Variants in GOLGA8M observed in about 807,000 individuals in gnomAD.
GOLGA8M encodes golgin subfamily A member 8M.
A neutral mutation model predicts 87.7 loss-of-function variants in GOLGA8M; 34 were observed. That is an observed-to-expected ratio of 0.39 (90% CI 0.29 to 0.52). GOLGA8M has a LOEUF of 0.52. GOLGA8M is among the 20% of genes least tolerant of loss of function. GOLGA8M has a pLI of 0.80. For synonymous variants in GOLGA8M, 138 were observed against 250.2 expected (o/e 0.55, Z 4.23); for missense variants, 396 against 682.2 (o/e 0.58, Z 4.67).
intron 14 of GOLGA8M, 125 bp from the exon 15 acceptor site, chr15:28,703,535 G>C: frequency 9.2e-6 from 5 of 542,348 alleles, no homozygotes; most frequent in Non-Finnish European, 1.5e-5. Flanking sequence ...ATGAGCTGTT[G>C]TTCTTTATTT....
Position 28,702,522 on chromosome 15 carries a change from T to A in GOLGA8M, c.1510A>T (p.Lys504Ter). The change falls in exon 17 of 19, where the codon AAA (lysine) becomes TAA (stop). Residue 504 changes from lysine to a stop codon, truncating the protein, a stop_gained. Coordinates refer to ENST00000563027, the MANE Select transcript of GOLGA8M (RefSeq NM_001282468.3). LOFTEE classifies it high-confidence loss of function. ...HLLSEPGGRA[K>*]DAALGGGHHQ... ...TGTCCTCCTCCCAGTGCCGCATCTT[T>A]GGCACGGCCCCCTGGTTCTGATAAA... 6.3e-7 allele frequency: 1 copy of A among 1,598,892 alleles called. No homozygotes were observed. The highest frequency in any genetic ancestry group is 8.5e-7 in the Non-Finnish European group (1 of 1,179,216).
At chr15:28,707,415 G>A (rs1194175391) in intron 8 of GOLGA8M, among the ~76,000 whole-genome samples, 9 of 144,038 alleles carry the variant, frequency 6.2e-5, no homozygotes, top group African/African-American at 1.8e-4. Context: ...CTACAGAAAT[G>A]GTAACATACT....
chr15:28,712,996 G>A (rs149034082), upstream of GOLGA8M, among the ~76,000 whole-genome samples: 746 of 149,162 alleles, frequency 5.0e-3, 12 homozygotes, highest in African/African-American at 0.018. Flanking sequence ...CTATGTTTTC[G>A]TTAAGATTTT....
chr15:28,702,166 G>A lies in GOLGA8M; in HGVS notation c.1724-37C>T, dbSNP rs747459800. 1.8e-5 allele frequency: 29 copies of A among 1,577,818 alleles called. 3 individuals are homozygous for A. The highest frequency in any genetic ancestry group is 2.4e-5 in the Non-Finnish European group (28 of 1,171,020). On this transcript the variant is annotated intron_variant, in intron 18 of 18. Transcript: ENST00000563027. Reference sequence around the variant, plus strand: ...GGGAGGCAGGGATCTGAGCACAGTGGGAGCCCCCTCTTCCTGCCTGCCCAC... The same window carrying A: ...GGGAGGCAGGGATCTGAGCACAGTGAGAGCCCCCTCTTCCTGCCTGCCCAC...
At chr15:28,705,055 C>A in intron 13 of GOLGA8M, 104 bp downstream of exon 13, 1 of 1,544,290 alleles carries the variant, frequency 6.5e-7, no homozygotes, top group Non-Finnish European at 8.7e-7. Flanking sequence ...GGTCACCAGC[C>A]CCCAGGCTGG....
intron 18 of GOLGA8M, 23 bp downstream of exon 18, chr15:28,702,191 C>A: frequency 6.3e-7 from 1 of 1,589,522 alleles, no homozygotes; most frequent in Non-Finnish European, 8.5e-7. Flanking sequence ...TGCCTGCCCA[C>A]ACCACCTGAG....
chr15:28,706,988 A>G lies in GOLGA8M; in HGVS notation c.592-289T>C, dbSNP rs373339320. 1.1e-3 allele frequency among the ~76,000 whole-genome samples: 152 copies of G among 137,346 alleles called. 6 individuals are homozygous for G. The East Asian group carries it at 0.013, about 11-fold the overall frequency. The allele number at this position is 137,346 out of a possible 152,430, so 90.1% of individuals were successfully genotyped here. ...GAACCTTTGTGGAATGCTTCACCAG[A>G]TACCATGCTAACAATCCCATTTAAT... On this transcript the variant is annotated intron_variant, in intron 8 of 18. Coordinates refer to ENST00000563027, the MANE Select transcript of GOLGA8M (RefSeq NM_001282468.3).
Position 28,711,503 on chromosome 15 carries a change from A to C in GOLGA8M, c.48+773T>G, listed in dbSNP as rs561010754. 1.0e-4 allele frequency: 102 copies of C among 984,204 alleles called. No homozygotes were observed. The African/African-American group carries it at 1.6e-3, about 16-fold the overall frequency. 61.0% of individuals were successfully genotyped at this position (984,204 alleles called of 1,614,324 possible). On this transcript the variant is annotated intron_variant, in intron 1 of 18. Transcript: ENST00000563027. ...GTCAATGTTTTGAGTTCATGGGGGAAGTGTAGGCTTTTCCCACCGTCAACA... is the reference window on the plus strand; with the variant it reads ...GTCAATGTTTTGAGTTCATGGGGGACGTGTAGGCTTTTCCCACCGTCAACA...
chr15:28,704,897 G>T (rs531227712), intron 13 of GOLGA8M: 2 of 854,164 alleles, frequency 2.3e-6, no homozygotes, highest in Non-Finnish European at 3.6e-6. Flanking sequence ...TAAGGAGCCT[G>T]TTATAGCACT....
rs1030020247 is a variant in GOLGA8M, at chr15:28,699,071, T to C, written c.*2883A>G. Among the ~76,000 whole-genome samples the C allele has an allele frequency of 6.7e-6, 1 of 150,354 alleles. No individual in the cohort carries two copies. The highest frequency in any genetic ancestry group is 1.5e-5 in the Non-Finnish European group (1 of 67,986). The stretch of plus-strand genomic sequence containing the variant: ...GTTACATATTTTAATAGTTATATTA[T>C]TTTAAAACAACTCTTTAAAGTTTTA... On this transcript the variant is annotated 3_prime_UTR_variant, in exon 19 of 19. Transcript: ENST00000563027.
chr15:28,712,459 C>A, upstream of GOLGA8M: 1 of 1,605,318 alleles, frequency 6.2e-7, no homozygotes, highest in East Asian at 2.2e-5. Context: ...CAGTAGAATG[C>A]GGAATAGGGG....
Position 28,704,991 on chromosome 15 carries a change from C to A in GOLGA8M, c.1200+168G>T, listed in dbSNP as rs1258714774. 4 of 1,088,746 alleles carry A rather than the reference C, an allele frequency of 3.7e-6. No homozygotes were observed. In the South Asian group the frequency reaches 4.0e-5, roughly 11 times the overall value. 67.4% of individuals were successfully genotyped at this position (1,088,746 alleles called of 1,614,324 possible). A position where few individuals can be genotyped will look rare whatever the true frequency, so the allele number is the denominator to read the frequency against. The stretch of plus-strand genomic sequence containing the variant: ...CTGAGAGGAGCCCAGGGCTACCCAC[C>A]TTTAAAAGTCAGAGGCAGGAAGCAA... On this transcript the variant is annotated intron_variant, in intron 13 of 18. Coordinates refer to ENST00000563027, the MANE Select transcript of GOLGA8M (RefSeq NM_001282468.3).
chr15:28,702,575 G>C lies in GOLGA8M; in HGVS notation c.1470-13C>G. On this transcript the variant is annotated splice_polypyrimidine_tract_variant and intron_variant, in intron 16 of 18. Coordinates refer to ENST00000563027, the MANE Select transcript of GOLGA8M (RefSeq NM_001282468.3). ...GTGATGGATTTTCCTGCGGGAGGAC[G>C]GGGCTCAGACGCTGGGGCCCCTCCG... 3.1e-6 allele frequency: 5 copies of C among 1,598,692 alleles called. No homozygotes were observed. In the South Asian group the frequency reaches 3.3e-5, roughly 11 times the overall value.
In GOLGA8M at chr15:28,700,992, G is replaced by A. The variant is rs1369131027; in HGVS notation, c.*962C>T. ...AGAATGCCAACCAGTGTCCTTTTGTGTACTGGGACATGTAGTCATGCGATT... is the reference window on the plus strand; with the variant it reads ...AGAATGCCAACCAGTGTCCTTTTGTATACTGGGACATGTAGTCATGCGATT... On this transcript the variant is annotated 3_prime_UTR_variant, in exon 19 of 19. Transcript: ENST00000563027. Among the ~76,000 whole-genome samples the A allele has an allele frequency of 6.6e-6, 1 of 152,132 alleles. No homozygotes were observed. Among genetic ancestry groups the A allele is most frequent in the Admixed American group, 6.6e-5 (1 of 15,264 alleles).
At chr15:28,706,846 G>T (rs2080047545) in intron 8 of GOLGA8M, 147 bp from the exon 9 acceptor site, 1 of 778,252 alleles carries the variant, frequency 1.3e-6, no homozygotes, top group Non-Finnish European at 2.1e-6. Context: ...GTTTTTAAAA[G>T]AACACAGTAA....
rs1399138282 is a variant in GOLGA8M at position 28,703,864 on chromosome 15, G to T, written c.1254C>A (p.Ser418Arg). Residue 418 changes from serine (S) to arginine (R), a missense_variant, in exon 14 of 19, where the codon AGC (serine) becomes AGA (arginine). By Grantham distance (110) the Ser-to-Arg change is moderately radical. Coordinates refer to ENST00000563027, the MANE Select transcript of GOLGA8M (RefSeq NM_001282468.3). Reference sequence around the variant, plus strand: ...TACCTTCCCCAGGGAGAGCCATGAGGCTCAGCTGGGCCGTTAGCTGCTGGT... The same window carrying T: ...TACCTTCCCCAGGGAGAGCCATGAGTCTCAGCTGGGCCGTTAGCTGCTGGT... The part of the protein sequence containing the change: ...QQNQQLTAQL[S>R]LMALPGEGHG... The T allele has an allele frequency of 4.4e-6, 7 of 1,578,762 alleles. 1 individual carries two copies. In the Admixed American group the frequency reaches 1.3e-4, roughly 29 times the overall value.
Position 28,701,416 on chromosome 15 carries a change from C to G in GOLGA8M, c.*538G>C, listed in dbSNP as rs1473765240. Among the ~76,000 whole-genome samples, 1 of 151,724 alleles carries G rather than the reference C, an allele frequency of 6.6e-6. No individual in the cohort carries two copies. The highest frequency in any genetic ancestry group is 1.5e-5 in the Non-Finnish European group (1 of 68,016). On this transcript the variant is annotated 3_prime_UTR_variant, in exon 19 of 19. Coordinates refer to ENST00000563027, the MANE Select transcript of GOLGA8M (RefSeq NM_001282468.3). ...TTTCCAGTTCTTGGCCTTTAAACAA[C>G]TCTAAATGTCAGTACTCATAGTGGC...
rs574563785 is a variant in GOLGA8M at position 28,703,877 on chromosome 15, G to A, written c.1241C>T (p.Thr414Met). 599 of 1,581,164 alleles carry A rather than the reference G, an allele frequency of 3.8e-4. 7 individuals are homozygous for A. Among genetic ancestry groups the A allele is most frequent in the Middle Eastern group, 6.3e-4 (3 of 4,784 alleles). Residue 414 changes from threonine (T) to methionine (M), a missense_variant, in exon 14 of 19, where the codon ACG becomes ATG. Around this residue, in one of 12 missense-constraint regions of GOLGA8M, gnomAD observed 44 missense variants for 46.7 expected, o/e 0.94. Transcript: ENST00000563027. ...GAGAGCCATGAGGCTCAGCTGGGCC[G>A]TTAGCTGCTGGTTCTGCTGGCTGGC... ...EAASQQNQQLTAQLSLMALPG... is the reference protein window; with the variant it reads ...EAASQQNQQLMAQLSLMALPG...
At position 28,701,779 on chromosome 15, in the gene GOLGA8M, C is replaced by G. The variant is rs1208378139; in HGVS notation, c.*175G>C. 2.0e-5 allele frequency among the ~76,000 whole-genome samples: 3 copies of G among 151,778 alleles called. No individual in the cohort carries two copies. Among genetic ancestry groups the G allele is most frequent in the African/African-American group, 4.8e-5 (2 of 41,284 alleles). On this transcript the variant is annotated 3_prime_UTR_variant, in exon 19 of 19. Coordinates refer to ENST00000563027, the MANE Select transcript of GOLGA8M (RefSeq NM_001282468.3). Reference sequence around the variant, plus strand: ...AGTGAACATCAGTGAGAGCCACAGACACCCACTCTCTTTTAACTTTTTACA... The same window carrying G: ...AGTGAACATCAGTGAGAGCCACAGAGACCCACTCTCTTTTAACTTTTTACA...
Sources: gnomAD v4.1 joint callset for allele counts (sites outside exome capture counted in the v4.1 genomes callset) on GRCh38, gnomAD v4.1.1 for gene constraint, gnomAD v4.1.1 regional missense constraint, MANE v1.5 for transcripts, NCBI Gene and HGNC (gene_info 2026-07-23, HGNC 2026-07-21) for gene names.